Variants in EXOC6 observed in about 807,000 individuals in gnomAD.
The protein encoded by EXOC6 is SEC15-like 1.
In EXOC6, 60 loss-of-function variants were observed where a neutral mutation model predicts 112.5. The observed-to-expected ratio is 0.53, with a 90% CI of 0.43 to 0.66. The LOEUF (loss-of-function observed/expected upper bound fraction) is 0.66, where lower values mean the gene tolerates loss of function less well. Ranked by LOEUF, EXOC6 falls within the 30% of genes least tolerant of loss-of-function variation. The pLI is 0.00. For missense variants in EXOC6, 855 were observed against 957.1 expected (o/e 0.89, Z 1.41); for synonymous variants, 295 against 308.0 (o/e 0.96, Z 0.44).
chr10:92,843,026 T>G (rs1564764065), intron 1 of EXOC6, among the ~76,000 whole-genome samples: 1 of 152,188 alleles, frequency 6.6e-6, no homozygotes, highest in Non-Finnish European at 1.5e-5. Context: ...CAGCAAACAT[T>G]TAATAAAAAT....
At chr10:92,867,036 T>TAAAA (rs1848208179) in intron 1 of EXOC6, among the ~76,000 whole-genome samples, 1 of 152,146 alleles carries the variant, frequency 6.6e-6, no homozygotes, top group Non-Finnish European at 1.5e-5. Flanking sequence ...AATGAAGAGG[T>TAAAA]AAAAGTCTTT....
intron 18 of EXOC6, among the ~76,000 whole-genome samples, chr10:92,994,823 A>G (rs923455221): frequency 1.3e-5 from 2 of 151,954 alleles, no homozygotes; most frequent in Non-Finnish European, 2.9e-5. Flanking sequence ...GCCAATGGCT[A>G]TAGACATTAA....
intron 13 of EXOC6, among the ~76,000 whole-genome samples, chr10:92,941,288 T>A (rs563930782): frequency 6.6e-6 from 1 of 152,214 alleles, no homozygotes; most frequent in Non-Finnish European, 1.5e-5. Flanking sequence ...TAATATTCCA[T>A]TGTCTTTATA....
chr10:92,943,968 T>C (rs1180940826), intron 13 of EXOC6, among the ~76,000 whole-genome samples: 1 of 152,170 alleles, frequency 6.6e-6, no homozygotes, highest in African/African-American at 2.4e-5. Flanking sequence ...AGTGTGACTG[T>C]TTTAGATTCC....
At chr10:92,879,076 C>T (rs186694495) in intron 1 of EXOC6, among the ~76,000 whole-genome samples, 1 of 152,290 alleles carries the variant, frequency 6.6e-6, no homozygotes, top group Admixed American at 6.5e-5. Flanking sequence ...ATACTTTATA[C>T]AATGTTGTCT....
At chr10:92,874,111 A>AT (rs1286428894) in intron 1 of EXOC6, among the ~76,000 whole-genome samples, 1 of 151,622 alleles carries the variant, frequency 6.6e-6, no homozygotes, top group African/African-American at 2.4e-5. Context: ...ATGTATATAC[A>AT]TTTTTTTCCT....
At chr10:92,882,454 G>T (rs1481496823) in intron 1 of EXOC6, among the ~76,000 whole-genome samples, 1 of 148,936 alleles carries the variant, frequency 6.7e-6, no homozygotes, top group East Asian at 2.0e-4. Flanking sequence ...TGAGGCAGGA[G>T]AATTGCTTGA....
chr10:92,973,444 C>T, intron 17 of EXOC6, among the ~76,000 whole-genome samples: 1 of 152,182 alleles, frequency 6.6e-6, no homozygotes. Flanking sequence ...AACTAATTTT[C>T]AGAGTTCTGA....
intron 20 of EXOC6, among the ~76,000 whole-genome samples, chr10:93,015,364 T>C (rs1705845580): frequency 1.3e-5 from 2 of 152,232 alleles, no homozygotes; most frequent in South Asian, 4.1e-4. Context: ...GAAATAAATA[T>C]AAAAGTAATA....
intron 19 of EXOC6, among the ~76,000 whole-genome samples, chr10:93,013,464 C>T (rs541278258): frequency 8.5e-5 from 13 of 152,074 alleles, no homozygotes; most frequent in Non-Finnish European, 1.8e-4. Flanking sequence ...AAAAATTAGC[C>T]GGCCGTGGCG....
In EXOC6 at chr10:92,954,664, A is replaced by T; in HGVS notation, c.1561A>T (p.Thr521Ser). 6.2e-7 allele frequency: 1 copy of T among 1,607,952 alleles called. No homozygotes were observed. The highest frequency in any genetic ancestry group is 8.5e-7 in the Non-Finnish European group (1 of 1,175,872). ...TEIDDMLRKSTNLLLTRTLSS... is the reference protein window; with the variant it reads ...TEIDDMLRKSSNLLLTRTLSS... ...AATAGACGATATGCTTAGAAAATCA[A>T]CAAATCTGCTGCTGACCAGAACTTT... Residue 521 changes from threonine (T) to serine (S), a missense_variant, in exon 16 of 22, where the codon ACA becomes TCA. By Grantham distance (58) the Thr-to-Ser change is moderately conservative (BLOSUM62 1). Coordinates refer to ENST00000260762, the MANE Select transcript of EXOC6 (RefSeq NM_019053.6).
intron 1 of EXOC6, among the ~76,000 whole-genome samples, chr10:92,877,719 T>C (rs1439285317): frequency 2.0e-5 from 3 of 152,222 alleles, no homozygotes; most frequent in African/African-American, 4.8e-5. Context: ...TATCACTAAC[T>C]GTGTTTTTGT....
intron 18 of EXOC6, among the ~76,000 whole-genome samples, chr10:92,975,135 G>A (rs571989979): frequency 2.0e-5 from 3 of 151,626 alleles, no homozygotes; most frequent in East Asian, 3.9e-4. Flanking sequence ...GCCTCTTCCC[G>A]GCCGCCATCC....
intron 20 of EXOC6, among the ~76,000 whole-genome samples, chr10:93,052,114 A>G (rs1294688875): frequency 6.6e-6 from 1 of 152,228 alleles, no homozygotes; most frequent in East Asian, 1.9e-4. Flanking sequence ...GCAAAACCCA[A>G]AAGACCCAAA....
intron 19 of EXOC6, among the ~76,000 whole-genome samples, chr10:93,000,068 T>C (rs529933412): frequency 1.3e-5 from 2 of 152,262 alleles, no homozygotes; most frequent in Non-Finnish European, 2.9e-5. Context: ...AAAAACATAA[T>C]TAATATAACG....
chr10:92,868,504 G>A (rs1379634917), intron 1 of EXOC6, among the ~76,000 whole-genome samples: 1 of 151,656 alleles, frequency 6.6e-6, no homozygotes, highest in Non-Finnish European at 1.5e-5. Flanking sequence ...GCATCTCATC[G>A]CTTATCTTTT....
At chr10:92,834,317 T>A (rs1449005453), upstream of EXOC6, among the ~76,000 whole-genome samples, 1 of 152,180 alleles carries the variant, frequency 6.6e-6, no homozygotes, top group South Asian at 2.1e-4. Context: ...TAACTAGGAA[T>A]GTAGCTTTAG....
intron 20 of EXOC6, among the ~76,000 whole-genome samples, chr10:93,040,058 A>AT (rs1258861650): frequency 6.6e-6 from 1 of 152,072 alleles, no homozygotes; most frequent in Non-Finnish European, 1.5e-5. Flanking sequence ...TTCCATCTCT[A>AT]TCACCATCAA....
chr10:92,931,403 CAT>C (rs1368266458), intron 9 of EXOC6, among the ~76,000 whole-genome samples: 5 of 150,734 alleles, frequency 3.3e-5, no homozygotes, highest in East Asian at 2.0e-4. Flanking sequence ...TTTTAGTTGA[CAT>C]ATAATAATTG....
Sources: allele counts gnomAD v4.1 joint callset (sites outside exome capture counted in the v4.1 genomes callset), GRCh38; gene constraint gnomAD v4.1.1; transcripts MANE v1.5; gene names NCBI Gene and HGNC (gene_info 2026-07-23, HGNC 2026-07-21).